Variants in GREM2 observed in about 807,000 individuals in gnomAD.
GREM2 encodes the protein gremlin 2, DAN family BMP antagonist.
In GREM2, 11 loss-of-function variants were observed where a neutral mutation model predicts 14.2. That is an observed-to-expected ratio of 0.78 (90% confidence interval 0.49 to 1.28). GREM2 has a LOEUF of 1.28. Ranked by LOEUF, GREM2 falls within the 50% of genes most tolerant of loss-of-function variation. The probability of loss-of-function intolerance (pLI) is 0.00; values close to 1 mark genes in which losing one functional copy is unlikely to be tolerated. For synonymous variants in GREM2, 98 were observed against 97.6 expected (o/e 1.00, Z -0.02); for missense variants, 210 against 218.5 (o/e 0.96, Z 0.24).
chr1:240,591,920 GTTTGTA>G (rs1679723183), intron 1 of GREM2, among the ~76,000 whole-genome samples: 1 of 152,146 alleles, frequency 6.6e-6, no homozygotes, highest in Non-Finnish European at 1.5e-5. Flanking sequence ...GTAGGATGAA[GTTTGTA>G]TTTGAAAGGT....
chr1:240,508,454 G>A (rs984325120), intron 1 of GREM2, among the ~76,000 whole-genome samples: 4 of 152,186 alleles, frequency 2.6e-5, no homozygotes, highest in East Asian at 1.9e-4. Flanking sequence ...ACATGTGCTC[G>A]TGCTGTTTCG....
intron 1 of GREM2, among the ~76,000 whole-genome samples, chr1:240,509,473 A>G (rs1470076044): frequency 2.7e-5 from 4 of 148,562 alleles, no homozygotes; most frequent in African/African-American, 5.0e-5. Context: ...GGTTCAAGCG[A>G]TTCTCCTGCC....
At chr1:240,509,588 G>A (rs1461395093) in intron 1 of GREM2, among the ~76,000 whole-genome samples, 2 of 151,828 alleles carry the variant, frequency 1.3e-5, no homozygotes, top group South Asian at 2.1e-4. Flanking sequence ...GGCTGGTCTC[G>A]AACTCTCAAC....
At chr1:240,551,360 T>C (rs1204449312) in intron 1 of GREM2, among the ~76,000 whole-genome samples, 1 of 152,196 alleles carries the variant, frequency 6.6e-6, no homozygotes, top group African/African-American at 2.4e-5. Flanking sequence ...TTTGTTTTTA[T>C]TTTTTTGAGA....
At chr1:240,559,636 G>A (rs375962809) in intron 1 of GREM2, among the ~76,000 whole-genome samples, 1 of 152,012 alleles carries the variant, frequency 6.6e-6, no homozygotes, top group African/African-American at 2.4e-5. Context: ...AAGCCACTGC[G>A]CCTGGCCAAA....
At chr1:240,521,451 G>C (rs1419429003) in intron 1 of GREM2, among the ~76,000 whole-genome samples, 1 of 151,580 alleles carries the variant, frequency 6.6e-6, no homozygotes, top group Admixed American at 6.6e-5. Flanking sequence ...GGCGACTGTA[G>C]TCCCAGCTAC....
At chr1:240,564,380 C>T (rs573816252) in intron 1 of GREM2, among the ~76,000 whole-genome samples, 13 of 151,686 alleles carry the variant, frequency 8.6e-5, no homozygotes, top group African/African-American at 2.7e-4. Flanking sequence ...CAGTCACATG[C>T]GCCTGTAGTC....
intron 1 of GREM2, among the ~76,000 whole-genome samples, chr1:240,547,516 T>A (rs58395947): frequency 0.018 from 782 of 43,924 alleles, 1 homozygote; most frequent in African/African-American, 0.037. Flanking sequence ...AAAAAAAAAA[T>A]ATATATATAT....
intron 1 of GREM2, among the ~76,000 whole-genome samples, chr1:240,522,251 A>AG (rs1447629853): frequency 6.6e-6 from 1 of 152,190 alleles, no homozygotes; most frequent in African/African-American, 2.4e-5. Flanking sequence ...GCAAATATAG[A>AG]GCACAGACTT....
chr1:240,593,252 T>C (rs548359943), intron 1 of GREM2, among the ~76,000 whole-genome samples: 11 of 152,292 alleles, frequency 7.2e-5, no homozygotes, highest in African/African-American at 2.6e-4. Flanking sequence ...GTGCTCCCCA[T>C]GCATGACAGG....
At chr1:240,577,554 A>C (rs1202446002) in intron 1 of GREM2, among the ~76,000 whole-genome samples, 1 of 152,236 alleles carries the variant, frequency 6.6e-6, no homozygotes, top group African/African-American at 2.4e-5. Flanking sequence ...GTGGGCCTAC[A>C]ATTTACATGC....
At chr1:240,506,680 T>TA (rs2103284067) in intron 1 of GREM2, among the ~76,000 whole-genome samples, 1 of 152,348 alleles carries the variant, frequency 6.6e-6, no homozygotes, top group South Asian at 2.1e-4. Flanking sequence ...GCACTTTTGT[T>TA]AAAGTTGTGC....
intron 1 of GREM2, among the ~76,000 whole-genome samples, chr1:240,537,291 T>A (rs912185059): frequency 6.6e-6 from 1 of 152,162 alleles, no homozygotes; most frequent in Admixed American, 6.5e-5. Flanking sequence ...TATCTTTCTT[T>A]GAGATAGAAA....
In GREM2 at chr1:240,531,778, GGCTCACT is replaced by G. The variant is rs1678368748; in HGVS notation, c.-1-38309_-1-38303del. 6.0e-6 allele frequency: 4 copies of G among 668,544 alleles called. No individual in the cohort carries two copies. In the South Asian group the frequency reaches 2.7e-4, roughly 45 times the overall value. 41.4% of individuals were successfully genotyped at this position (668,544 alleles called of 1,614,324 possible). A position where few individuals can be genotyped will look rare whatever the true frequency, so the allele number is the denominator to read the frequency against. On this transcript the variant is annotated intron_variant, in intron 1 of 1. Coordinates refer to ENST00000318160, the MANE Select transcript of GREM2 (RefSeq NM_022469.4). ...GACTGGAGAGCAATGGCGTGATCTC[GGCTCACT>G]GCAACCTCCGCCTCCTGTGTTCAAG...
rs914118320 is a variant in GREM2, at chr1:240,531,665, G to C, written c.-1-38189C>G. 3.0e-6 allele frequency: 3 copies of C among 984,992 alleles called. No individual in the cohort carries two copies. In the Admixed American group the frequency reaches 1.8e-4, roughly 61 times the overall value. The allele number at this position is 984,992 out of a possible 1,614,324, so 61.0% of individuals were successfully genotyped here. On this transcript the variant is annotated intron_variant, in intron 1 of 1. Transcript: ENST00000318160. ...AGGCGTCTGCCTGCTCCCTGACGTG[G>C]ACTCAGCTCTGAGTGCTCTCATTTT...
chr1:240,500,211 C>T (rs1265028628), intron 1 of GREM2, among the ~76,000 whole-genome samples: 1 of 152,178 alleles, frequency 6.6e-6, no homozygotes, highest in African/African-American at 2.4e-5. Flanking sequence ...ACTGAGATGA[C>T]CAGCATCCCA....
At chr1:240,531,248 T>C (rs546207352) in intron 1 of GREM2, among the ~76,000 whole-genome samples, 21 of 152,232 alleles carry the variant, frequency 1.4e-4, no homozygotes, top group Non-Finnish European at 2.5e-4. Context: ...TTTCATGCTC[T>C]CTCCATTGTG....
At chr1:240,511,608 C>A (rs916536693) in intron 1 of GREM2, among the ~76,000 whole-genome samples, 1 of 152,044 alleles carries the variant, frequency 6.6e-6, no homozygotes. Context: ...AAGAAATTAG[C>A]CGGGTGTGGT....
In GREM2 at chr1:240,540,138, T is replaced by C. The variant is rs1402127261; in HGVS notation, c.-1-46662A>G. On this transcript the variant is annotated intron_variant, in intron 1 of 1. Transcript: ENST00000318160. The surrounding 1 kb of genome is among the most constrained non-coding windows in gnomAD (Gnocchi z 4.2). ...GTCTTTAATTGAAACCTAGTATTAT[T>C]TTATTCCTCTCTGCAGAGAGGAAAC... is the stretch of plus-strand genomic sequence containing the variant. Among the ~76,000 whole-genome samples the C allele has an allele frequency of 6.6e-6, 1 of 152,176 alleles. No homozygotes were observed. The highest frequency in any genetic ancestry group is 1.5e-5 in the Non-Finnish European group (1 of 68,030).
Sources: gnomAD v4.1 joint callset for allele counts (sites outside exome capture counted in the v4.1 genomes callset) on GRCh38, gnomAD v4.1.1 for gene constraint, Gnocchi (gnomAD v3.1) non-coding constraint, MANE v1.5 for transcripts, NCBI Gene and HGNC (gene_info 2026-07-23, HGNC 2026-07-21) for gene names.